Variants in CYP4X1 observed in about 807,000 individuals in gnomAD.
CYP4X1 encodes cytochrome P450 4X1.
Under a neutral mutation model 57.9 loss-of-function variants are expected in CYP4X1, and 44 were observed. The ratio of observed to expected loss-of-function variants is 0.76; its 90% CI spans 0.60 to 0.98. CYP4X1 has a LOEUF of 0.98. Among genes scored for constraint, CYP4X1 ranks in the 50% least tolerant of loss-of-function variants. CYP4X1 has a pLI of 0.00. For missense variants in CYP4X1, 532 were observed against 623.9 expected (o/e 0.85, Z 1.57); for synonymous variants, 227 against 228.6 (o/e 0.99, Z 0.06).
chr1:47,022,160 AG>A (rs377128877), upstream of CYP4X1, among the ~76,000 whole-genome samples: 54 of 151,886 alleles, frequency 3.6e-4, 1 homozygote, highest in African/African-American at 1.3e-3. Flanking sequence ...GGTTGGAGTT[AG>A]GTAGGAGGTA....
the CYP4X1 span, among the ~76,000 whole-genome samples, chr1:46,999,303 T>C: frequency 1.3e-5 from 2 of 152,192 alleles, no homozygotes; most frequent in African/African-American, 4.8e-5. Flanking sequence ...AATCTTGGGA[T>C]TTTGTGTTTC....
In CYP4X1 at chr1:47,049,347, C is replaced by T. The variant is rs539789885; in HGVS notation, c.1273-75C>T. On this transcript the variant is annotated intron_variant, in intron 10 of 11. Transcript: ENST00000371901. Reference sequence around the variant, plus strand: ...TAGATCACATTATATTTCTATTGATCGGTGCTAGGTGGTAGGTGAAGAAAT... The same window carrying T: ...TAGATCACATTATATTTCTATTGATTGGTGCTAGGTGGTAGGTGAAGAAAT... The T allele has an allele frequency of 1.7e-4, 176 of 1,035,720 alleles. 1 individual carries two copies. Among genetic ancestry groups the T allele is most frequent in the African/African-American group, 7.6e-4 (48 of 63,512 alleles). 64.2% of individuals were successfully genotyped at this position (1,035,720 alleles called of 1,614,324 possible).
the CYP4X1 span, among the ~76,000 whole-genome samples, chr1:46,991,529 C>A: frequency 6.6e-6 from 1 of 152,158 alleles, no homozygotes; most frequent in South Asian, 2.1e-4. Context: ...GTTAAAGCAC[C>A]CTTGTTTGAT....
the CYP4X1 span, among the ~76,000 whole-genome samples, chr1:46,991,444 C>T: frequency 3.9e-3 from 591 of 152,280 alleles, 4 homozygotes; most frequent in African/African-American, 0.014. Context: ...CCTCCCCTAG[C>T]TCATTCCTAC....
chr1:46,967,302 A>T, the CYP4X1 span, among the ~76,000 whole-genome samples: 1 of 152,206 alleles, frequency 6.6e-6, no homozygotes, highest in Non-Finnish European at 1.5e-5. Flanking sequence ...GACATTTAAG[A>T]CTATAAATTT....
At chr1:47,005,845 G>T in the CYP4X1 span, among the ~76,000 whole-genome samples, 2 of 152,118 alleles carry the variant, frequency 1.3e-5, no homozygotes, top group African/African-American at 2.4e-5. Flanking sequence ...AAAACTATAA[G>T]CCCAGTCAAA....
At chr1:46,987,106 A>G in the CYP4X1 span, among the ~76,000 whole-genome samples, 1,346 of 152,326 alleles carry the variant, frequency 8.8e-3, 22 homozygotes, top group African/African-American at 0.03. Context: ...GTCAAGATCC[A>G]TTGGTGTGCT....
chr1:47,016,694 G>A, the CYP4X1 span, among the ~76,000 whole-genome samples: 1 of 151,740 alleles, frequency 6.6e-6, no homozygotes, highest in Non-Finnish European at 1.5e-5. Context: ...GGCATGCAAT[G>A]CATAATAATC....
At chr1:47,042,447 GT>G (rs998386364) in intron 8 of CYP4X1, among the ~76,000 whole-genome samples, 2 of 151,874 alleles carry the variant, frequency 1.3e-5, no homozygotes, top group African/African-American at 4.8e-5. Flanking sequence ...TTTCACCAGT[GT>G]TTTTTTCTTA....
the CYP4X1 span, among the ~76,000 whole-genome samples, chr1:46,975,463 CT>C: frequency 6.6e-6 from 1 of 152,052 alleles, no homozygotes; most frequent in African/African-American, 2.4e-5. Flanking sequence ...GTTGGGATTT[CT>C]TTTCTTTAAG....
At position 47,023,873 on chromosome 1, in the gene CYP4X1, T is replaced by G; in HGVS notation, c.56T>G (p.Val19Gly). ...RWARPFYLAFVFCLALGLLQA... is the reference protein window; with the variant it reads ...RWARPFYLAFGFCLALGLLQA... ...GCGCGGCCCTTTTACCTGGCGTTCGTGTTCTGCCTGGCCCTGGGGCTGCTG... is the reference window on the plus strand; with the variant it reads ...GCGCGGCCCTTTTACCTGGCGTTCGGGTTCTGCCTGGCCCTGGGGCTGCTG... The change falls in exon 1 of 12, where the codon GTG becomes GGG. Residue 19 changes from valine to glycine, a missense_variant. Val to Gly is a moderately radical substitution (Grantham distance 109). Coordinates refer to ENST00000371901, the MANE Select transcript of CYP4X1 (RefSeq NM_178033.2). 1.2e-6 allele frequency: 2 copies of G among 1,613,694 alleles called. No individual in the cohort carries two copies.
intron 7 of CYP4X1, 48 bp downstream of exon 7, chr1:47,038,814 G>A (rs769456719): frequency 1.3e-6 from 2 of 1,493,126 alleles, no homozygotes; most frequent in Non-Finnish European, 1.8e-6. Context: ...AGTTAATTAT[G>A]TAAGTAGGTG....
chr1:46,976,069 T>C, the CYP4X1 span, among the ~76,000 whole-genome samples: 3 of 151,998 alleles, frequency 2.0e-5, no homozygotes, highest in African/African-American at 7.3e-5. Flanking sequence ...CCAGCTGAGG[T>C]ACCTGGTTCA....
the CYP4X1 span, among the ~76,000 whole-genome samples, chr1:46,972,051 CAG>C: frequency 6.6e-6 from 1 of 152,088 alleles, no homozygotes; most frequent in Non-Finnish European, 1.5e-5. Context: ...GGTTTTCTTC[CAG>C]AGTTTTTATA....
At chr1:47,016,849 T>C in the CYP4X1 span, among the ~76,000 whole-genome samples, 2 of 152,240 alleles carry the variant, frequency 1.3e-5, no homozygotes, top group African/African-American at 4.8e-5. Context: ...TTCTTCCTAT[T>C]TTTTTGTTCC....
chr1:47,024,528 T>G (rs1644040909), intron 1 of CYP4X1, among the ~76,000 whole-genome samples: 1 of 152,090 alleles, frequency 6.6e-6, no homozygotes, highest in Non-Finnish European at 1.5e-5. Context: ...TAGCTTTTGG[T>G]CTCTCCCGTT....
At chr1:46,977,830 TA>T in the CYP4X1 span, among the ~76,000 whole-genome samples, 2 of 151,800 alleles carry the variant, frequency 1.3e-5, no homozygotes, top group South Asian at 2.1e-4. Flanking sequence ...TCAACATTCT[TA>T]AAAAAAAGAA....
chr1:47,048,455 A>G (rs1274043147), intron 9 of CYP4X1, 110 bp from the exon 10 acceptor site: 7 of 1,154,850 alleles, frequency 6.1e-6, no homozygotes, highest in Non-Finnish European at 9.2e-6. Flanking sequence ...CAGGCAGAGC[A>G]TTGCCAGGAG....
intron 8 of CYP4X1, among the ~76,000 whole-genome samples, chr1:47,043,309 GT>G (rs981806295): frequency 1.4e-4 from 21 of 151,784 alleles, no homozygotes; most frequent in African/African-American, 1.2e-4. Context: ...GGGATTATTT[GT>G]TTTTTTCTTG....
Sources: allele counts gnomAD v4.1 joint callset (sites outside exome capture counted in the v4.1 genomes callset), GRCh38; gene constraint gnomAD v4.1.1; transcripts MANE v1.5; gene names NCBI Gene and HGNC (gene_info 2026-07-23, HGNC 2026-07-21).